Variants in CLASP1 observed in about 807,000 individuals in gnomAD.
CLASP1 encodes the protein cytoplasmic linker associated protein 1, also known as CLIP-associating protein 1.
Under a neutral mutation model 192.3 loss-of-function variants are expected in CLASP1, and 38 were observed. That is an observed-to-expected ratio of 0.20 (90% CI 0.15 to 0.26). CLASP1 has a LOEUF of 0.26. Among genes scored for constraint, CLASP1 ranks in the 10% least tolerant of loss-of-function variants. CLASP1 has a pLI of 1.00. For missense variants in CLASP1, 1,433 were observed against 1,932.5 expected, an observed-to-expected ratio of 0.74 and a Z score of 4.85; for synonymous variants, 691 against 712.8, an observed-to-expected ratio of 0.97 and a Z score of 0.49.
Position 121,387,113 on chromosome 2 carries a change from T to C in CLASP1, c.3374+9A>G. ...TTTACATCTGTGGAAAGTAAAGAAG[T>C]GACCTTACCTTGGAGACAGACCCCC... is the stretch of plus-strand genomic sequence containing the variant. On this transcript the variant is annotated intron_variant, in intron 32 of 39. Transcript: ENST00000263710. The C allele has an allele frequency of 6.2e-7, 1 of 1,608,522 alleles. No individual in the cohort carries two copies. Among genetic ancestry groups the C allele is most frequent in the Non-Finnish European group, 8.5e-7 (1 of 1,175,360 alleles).
chr2:121,495,151 T>C (rs2093476108), intron 8 of CLASP1, among the ~76,000 whole-genome samples: 1 of 151,692 alleles, frequency 6.6e-6, no homozygotes, highest in South Asian at 2.1e-4. Flanking sequence ...TGAAACTCCA[T>C]CTCTACTAAA....
chr2:121,521,801 C>T (rs554072340), intron 6 of CLASP1, among the ~76,000 whole-genome samples: 4 of 152,164 alleles, frequency 2.6e-5, no homozygotes, highest in African/African-American at 9.7e-5. Context: ...AGGCTGACTA[C>T]TAGGTCAGGT....
chr2:121,367,095 T>G (rs1210294884), intron 35 of CLASP1, among the ~76,000 whole-genome samples: 1 of 152,164 alleles, frequency 6.6e-6, no homozygotes, highest in Admixed American at 6.5e-5. Flanking sequence ...TCAACACAGC[T>G]CCAGGGAGAC....
At chr2:121,490,861 T>C (rs763320250) in intron 8 of CLASP1, among the ~76,000 whole-genome samples, 3 of 152,224 alleles carry the variant, frequency 2.0e-5, no homozygotes, top group Non-Finnish European at 4.4e-5. Context: ...ATGCATAGTC[T>C]AATAAACAAG....
At chr2:121,426,540 C>T (rs1396522303) in intron 21 of CLASP1, among the ~76,000 whole-genome samples, 1 of 152,132 alleles carries the variant, frequency 6.6e-6, no homozygotes, top group African/African-American at 2.4e-5. Flanking sequence ...TAAAAACACA[C>T]ACTTCCCACA....
intron 2 of CLASP1, among the ~76,000 whole-genome samples, chr2:121,544,715 C>T (rs1021875747): frequency 1.3e-5 from 2 of 151,586 alleles, no homozygotes; most frequent in African/African-American, 2.4e-5. Flanking sequence ...GACTGCAATT[C>T]CATTCCATAC....
At chr2:121,471,741 C>T (rs1028280520) in intron 8 of CLASP1, among the ~76,000 whole-genome samples, 2 of 152,126 alleles carry the variant, frequency 1.3e-5, no homozygotes, top group Non-Finnish European at 2.9e-5. Flanking sequence ...TTTCACTGTG[C>T]CTTTAAATCC....
At chr2:121,478,134 T>G (rs2091863751) in intron 8 of CLASP1, among the ~76,000 whole-genome samples, 1 of 152,148 alleles carries the variant, frequency 6.6e-6, no homozygotes, top group South Asian at 2.1e-4. Context: ...TAATTAACAT[T>G]ATAGCCATGT....
chr2:121,478,703 ACC>A (rs2092026580), intron 8 of CLASP1, among the ~76,000 whole-genome samples: 1 of 41,098 alleles, frequency 2.4e-5, no homozygotes, highest in Admixed American at 3.1e-4. Context: ...ACACAACCAC[ACC>A]CCACACACAC....
chr2:121,550,436 T>TA (rs1363911913), intron 2 of CLASP1, among the ~76,000 whole-genome samples: 1 of 151,612 alleles, frequency 6.6e-6, no homozygotes, highest in Non-Finnish European at 1.5e-5. Context: ...AAACAATTTT[T>TA]AAAAAATCGA....
At chr2:121,538,083 A>G (rs183088067) in intron 2 of CLASP1, among the ~76,000 whole-genome samples, 8 of 152,302 alleles carry the variant, frequency 5.3e-5, no homozygotes, top group African/African-American at 1.7e-4. Context: ...GTTCAACATT[A>G]TATCTACAGT....
At chr2:121,376,526 T>TGGGGGGGGGGGGGGAGGGG (rs61313144) in intron 34 of CLASP1, among the ~76,000 whole-genome samples, 1 of 105,134 alleles carries the variant, frequency 9.5e-6, no homozygotes, top group Non-Finnish European at 1.9e-5. Context: ...TGGGAAGGGG[T>TGGGGGGGGGGGGGGAGGGG]GGGGGGGGGG....
intron 6 of CLASP1, among the ~76,000 whole-genome samples, chr2:121,523,825 A>G (rs559481376): frequency 6.6e-6 from 1 of 152,162 alleles, no homozygotes; most frequent in South Asian, 2.1e-4. Context: ...CCCTTCCCCA[A>G]AAAGCCCAAG....
chr2:121,394,268 G>A (rs576317430), intron 30 of CLASP1, among the ~76,000 whole-genome samples: 2 of 152,230 alleles, frequency 1.3e-5, no homozygotes, highest in Non-Finnish European at 2.9e-5. Flanking sequence ...GGATGGGCCT[G>A]ACCTCATCAG....
chr2:121,397,254 C>T (rs1166393265), exon 30 of CLASP1: 1 of 1,613,764 alleles, frequency 6.2e-7, no homozygotes, highest in Non-Finnish European at 8.5e-7. Flanking sequence ...TGGCCAGAGA[C>T]TCAATGTATT....
chr2:121,621,512 C>T (rs2067350199), intron 1 of CLASP1, among the ~76,000 whole-genome samples: 1 of 152,122 alleles, frequency 6.6e-6, no homozygotes, highest in African/African-American at 2.4e-5. Flanking sequence ...AGGTAAGGGT[C>T]CAAATTCCTT....
intron 2 of CLASP1, among the ~76,000 whole-genome samples, chr2:121,577,978 G>C (rs138399266): frequency 1.9e-4 from 29 of 152,208 alleles, no homozygotes; most frequent in Non-Finnish European, 3.2e-4. Flanking sequence ...TGTCACCCAG[G>C]CTAGAGGGCA....
intron 8 of CLASP1, among the ~76,000 whole-genome samples, chr2:121,493,864 TATC>T (rs1404889286): frequency 6.6e-6 from 1 of 152,210 alleles, no homozygotes; most frequent in African/African-American, 2.4e-5. Context: ...CATCATTGAT[TATC>T]AGAGAAATGC....
At chr2:121,544,299 C>T (rs924652145) in intron 2 of CLASP1, among the ~76,000 whole-genome samples, 7 of 152,102 alleles carry the variant, frequency 4.6e-5, no homozygotes, top group African/African-American at 1.7e-4. Flanking sequence ...CACAGAGGCA[C>T]CATGAGAGAC....
Sources: gnomAD v4.1 joint callset for allele counts (sites outside exome capture counted in the v4.1 genomes callset) on GRCh38, gnomAD v4.1.1 for gene constraint, MANE v1.5 for transcripts, NCBI Gene and HGNC (gene_info 2026-07-23, HGNC 2026-07-21) for gene names.